PTPRM: variants seen among roughly 807,000 people sequenced by gnomAD.
PTPRM encodes protein tyrosine phosphatase receptor type M.
Under a neutral mutation model 186.7 loss-of-function variants are expected in PTPRM, and 47 were observed. The observed-to-expected ratio is 0.25, with a 90% CI of 0.20 to 0.32. PTPRM has a LOEUF of 0.32. Among genes scored for constraint, PTPRM ranks in the 10% least tolerant of loss-of-function variants. PTPRM has a pLI of 1.00. For synonymous variants in PTPRM, 668 were observed against 674.9 expected (o/e 0.99, Z 0.16); for missense variants, 1,494 against 1,865.0 (o/e 0.80, Z 3.66).
intron 1 of PTPRM, among the ~76,000 whole-genome samples, chr18:7,577,330 ATAC>A (rs1313482390): frequency 1.3e-5 from 2 of 152,230 alleles, no homozygotes; most frequent in African/African-American, 4.8e-5. Context: ...TTTTGATATA[ATAC>A]TGATCACTAA....
At chr18:7,712,228 CG>C (rs998987088) in intron 1 of PTPRM, among the ~76,000 whole-genome samples, 6 of 152,068 alleles carry the variant, frequency 3.9e-5, no homozygotes, top group African/African-American at 1.2e-4. Context: ...GGGTCTGGAG[CG>C]GATCTCCAGC....
At chr18:7,765,132 C>T (rs931602352) in intron 1 of PTPRM, among the ~76,000 whole-genome samples, 5 of 152,072 alleles carry the variant, frequency 3.3e-5, no homozygotes, top group African/African-American at 1.2e-4. Flanking sequence ...ATTTTACTAT[C>T]AATAAGAAAA....
intron 4 of PTPRM, among the ~76,000 whole-genome samples, chr18:7,921,381 A>AT (rs368367424): frequency 0.094 from 12,826 of 136,096 alleles, 742 homozygotes; most frequent in East Asian, 0.19. Context: ...CCTCTAATGA[A>AT]TTTTTTTTTT....
intron 1 of PTPRM, among the ~76,000 whole-genome samples, chr18:7,574,431 A>G (rs938267788): frequency 5.9e-5 from 9 of 152,244 alleles, no homozygotes; most frequent in African/African-American, 2.2e-4. Context: ...CAGTGTGCTT[A>G]TTAGAATATT....
chr18:7,915,914 A>G (rs2050528248), intron 4 of PTPRM, among the ~76,000 whole-genome samples: 1 of 152,224 alleles, frequency 6.6e-6, no homozygotes, highest in African/African-American at 2.4e-5. Flanking sequence ...TACTGAAAAA[A>G]TTTACACCAT....
At chr18:8,311,972 A>AGG (rs1451689749) in intron 20 of PTPRM, among the ~76,000 whole-genome samples, 1 of 152,188 alleles carries the variant, frequency 6.6e-6, no homozygotes, top group East Asian at 1.9e-4. Flanking sequence ...GAATCTGACG[A>AGG]GGGGGTACAA....
intron 20 of PTPRM, among the ~76,000 whole-genome samples, chr18:8,305,371 T>G (rs913869790): frequency 3.9e-5 from 6 of 152,180 alleles, no homozygotes; most frequent in African/African-American, 1.4e-4. Context: ...TTGGCACTAA[T>G]AAGACAAGTG....
At chr18:8,200,876 A>G (rs1297054782) in intron 14 of PTPRM, among the ~76,000 whole-genome samples, 1 of 152,238 alleles carries the variant, frequency 6.6e-6, no homozygotes, top group Non-Finnish European at 1.5e-5. Context: ...AAGATAAAAC[A>G]TATATTCCTT....
intron 19 of PTPRM, among the ~76,000 whole-genome samples, chr18:8,275,351 G>A (rs1387908644): frequency 6.6e-6 from 1 of 152,124 alleles, no homozygotes; most frequent in Non-Finnish European, 1.5e-5. Flanking sequence ...GGCTGAGGTG[G>A]GAGGATCACT....
intron 1 of PTPRM, among the ~76,000 whole-genome samples, chr18:7,584,204 A>G (rs2036918081): frequency 6.6e-6 from 1 of 152,248 alleles, no homozygotes; most frequent in South Asian, 2.1e-4. Context: ...AGCATTTTTC[A>G]GAGTGACTTT....
chr18:8,116,776 C>A (rs1452767202), intron 13 of PTPRM, among the ~76,000 whole-genome samples: 2 of 152,156 alleles, frequency 1.3e-5, no homozygotes, highest in Non-Finnish European at 2.9e-5. Flanking sequence ...TAGATTTCAT[C>A]AATATTGTAA....
rs34216473 is a variant in PTPRM, at chr18:8,304,821, A to ATTTT, written c.2842+8379_2842+8382dup. ...TCTATCTCTTGAAGCTGTTGACTTT[A>ATTTT]TTTTTTTTTTTTTTTTGCTCTTTGT... is the stretch of plus-strand genomic sequence containing the variant. On this transcript the variant is annotated intron_variant, in intron 20 of 32. Transcript: ENST00000580170. Among the ~76,000 whole-genome samples, 165 of 131,316 alleles carry ATTTT rather than the reference A, an allele frequency of 1.3e-3. 1 individual carries two copies. The highest frequency in any genetic ancestry group is 4.3e-3 in the African/African-American group (160 of 37,126). The allele number at this position is 131,316 out of a possible 152,430, so 86.1% of individuals were successfully genotyped here. A position where few individuals can be genotyped will look rare whatever the true frequency, so the allele number is the denominator to read the frequency against.
chr18:7,662,647 T>C (rs1412378115), intron 1 of PTPRM, among the ~76,000 whole-genome samples: 1 of 152,120 alleles, frequency 6.6e-6, no homozygotes, highest in Non-Finnish European at 1.5e-5. Flanking sequence ...TAGTATTTGA[T>C]AACACAACAG....
chr18:8,386,845 A>G (rs1048357184), intron 30 of PTPRM, among the ~76,000 whole-genome samples: 2 of 152,066 alleles, frequency 1.3e-5, no homozygotes, highest in Non-Finnish European at 2.9e-5. Flanking sequence ...ATTCTGCCTC[A>G]CTGGCCTGTC....
intron 1 of PTPRM, among the ~76,000 whole-genome samples, chr18:7,639,049 A>G (rs1158849569): frequency 1.3e-5 from 2 of 152,130 alleles, no homozygotes; most frequent in South Asian, 4.1e-4. Flanking sequence ...AATTTAAACT[A>G]GATATCTCAT....
At chr18:8,364,168 G>A (rs560373756) in intron 23 of PTPRM, among the ~76,000 whole-genome samples, 4 of 152,268 alleles carry the variant, frequency 2.6e-5, no homozygotes, top group Admixed American at 2.6e-4. Flanking sequence ...AGTATGAAAG[G>A]AAGAATCTAG....
chr18:7,822,632 C>T (rs1011245453), intron 2 of PTPRM, among the ~76,000 whole-genome samples: 1 of 152,118 alleles, frequency 6.6e-6, no homozygotes, highest in Non-Finnish European at 1.5e-5. Flanking sequence ...TTTTTTAAGG[C>T]GAGCCAAGCA....
chr18:7,908,249 T>C (rs1353118345), intron 4 of PTPRM, among the ~76,000 whole-genome samples: 1 of 152,200 alleles, frequency 6.6e-6, no homozygotes, highest in Non-Finnish European at 1.5e-5. Flanking sequence ...ATCACCAGAC[T>C]TCAAATTTTT....
intron 7 of PTPRM, among the ~76,000 whole-genome samples, chr18:8,057,445 T>C (rs903363061): frequency 8.5e-5 from 11 of 128,848 alleles, no homozygotes; most frequent in African/African-American, 2.9e-4. Flanking sequence ...TTTTTTTTTT[T>C]TTAGCTATTC....
Sources: gnomAD v4.1 joint callset for allele counts (sites outside exome capture counted in the v4.1 genomes callset) on GRCh38, gnomAD v4.1.1 for gene constraint, MANE v1.5 for transcripts, NCBI Gene and HGNC (gene_info 2026-07-23, HGNC 2026-07-21) for gene names.